Variants in SULT1A1 observed in about 807,000 individuals in gnomAD.
The protein encoded by SULT1A1 is sulfotransferase 1A1.
SULT1A1 carries 35 observed loss-of-function variants against 36.8 expected under a neutral mutation model. That is an observed-to-expected ratio of 0.95 (90% CI 0.73 to 1.26). The LOEUF is 1.26. Ranked by LOEUF, SULT1A1 falls within the 50% of genes most tolerant of loss-of-function variation. SULT1A1 has a pLI of 0.00. For synonymous variants in SULT1A1, 119 were observed against 146.0 expected (o/e 0.82, Z 1.33); for missense variants, 309 against 383.0 (o/e 0.81, Z 1.61).
exon 1 of SULT1A1, chr16:28,623,284 T>A: frequency 6.5e-7 from 1 of 1,540,274 alleles, no homozygotes; most frequent in Non-Finnish European, 8.7e-7. Context: ...ACCACCAACG[T>A]GGCCACGCGC....
chr16:28,611,727 T>C (rs1215652484), upstream of SULT1A1: 1 of 138,176 alleles, frequency 7.2e-6, no homozygotes, highest in Non-Finnish European at 1.6e-5. Flanking sequence ...GCCAAGAGCC[T>C]GGAGAAGGCC....
At chr16:28,619,992 A>T in intron 2 of SULT1A1, 1 of 508,770 alleles carries the variant, frequency 2.0e-6, no homozygotes, top group Non-Finnish European at 2.8e-6. Context: ...TGTATTGTAT[A>T]TTGTGTGTGT....
intron 4 of SULT1A1, 109 bp downstream of exon 4, chr16:28,608,182 C>T: frequency 6.9e-7 from 1 of 1,458,510 alleles, no homozygotes; most frequent in Non-Finnish European, 9.4e-7. Context: ...AGACAAGGTT[C>T]TTCTATGTTG....
chr16:28,622,112 T>C (rs1030731489), intron 1 of SULT1A1, among the ~76,000 whole-genome samples: 1 of 152,180 alleles, frequency 6.6e-6, no homozygotes, highest in African/African-American at 2.4e-5. Context: ...GCTAGCATCA[T>C]GACTCACTGG....
chr16:28,609,146 G>A, intron 1 of SULT1A1: 1 of 1,409,374 alleles, frequency 7.1e-7, no homozygotes, highest in South Asian at 1.5e-5. Context: ...GCAAGGCCCA[G>A]ATGTCAGGGT....
chr16:28,608,662 G>A (rs372032238), intron 2 of SULT1A1, 46 bp downstream of exon 2: 3 of 1,611,340 alleles, frequency 1.9e-6, no homozygotes, highest in Admixed American at 1.7e-5. Context: ...GCTGGCCAAG[G>A]TGGGGACTGC....
chr16:28,622,982 C>T, intron 1 of SULT1A1: 1 of 1,110,002 alleles, frequency 9.0e-7, no homozygotes. Context: ...CTTCAGGCCT[C>T]TGAAGCAGCT....
chr16:28,606,363 T>C, intron 6 of SULT1A1, 127 bp from the exon 7 acceptor site: 1 of 1,520,044 alleles, frequency 6.6e-7, no homozygotes, highest in Non-Finnish European at 9.0e-7. Flanking sequence ...AGCCAACTCC[T>C]CAACCCCCAG....
chr16:28,616,055 A>AT (rs2047540296), intron 2 of SULT1A1, among the ~76,000 whole-genome samples: 1 of 152,142 alleles, frequency 6.6e-6, no homozygotes, highest in Non-Finnish European at 1.5e-5. Flanking sequence ...ATCTTCCCAG[A>AT]TGCTGGTGTC....
rs371020361 is a variant in SULT1A1, at chr16:28,620,011, G to C, written c.138+52C>G. The stretch of plus-strand genomic sequence containing the variant: ...TTGTATATTGTGTGTGTGTGTGTGT[G>C]TATATACACACACAAAAAGATACTG... On this transcript the variant is annotated intron_variant, in intron 2 of 5. Coordinates refer to the SULT1A1 transcript ENST00000350842. 1.9e-3 allele frequency: 2,648 copies of C among 1,394,742 alleles called. 7 individuals carry two copies. The highest frequency in any genetic ancestry group is 2.5e-3 in the Non-Finnish European group (2,430 of 990,416). The allele number at this position is 1,394,742 out of a possible 1,614,324, so 86.4% of individuals were successfully genotyped here.
chr16:28,609,280 A>G, intron 1 of SULT1A1: 1 of 1,258,920 alleles, frequency 7.9e-7, no homozygotes, highest in Non-Finnish European at 1.0e-6. Flanking sequence ...GCCTCCACCC[A>G]GTGGAGATGC....
At chr16:28,608,095 C>A in intron 4 of SULT1A1, 196 bp downstream of exon 4, 1 of 772,704 alleles carries the variant, frequency 1.3e-6, no homozygotes, top group Non-Finnish European at 2.0e-6. Flanking sequence ...TCAAGTGATT[C>A]TCCTGTCTCA....
At chr16:28,606,379 C>T (rs2047187606) in intron 6 of SULT1A1, 143 bp from the exon 7 acceptor site, 2 of 1,446,208 alleles carry the variant, frequency 1.4e-6, no homozygotes, top group Non-Finnish European at 1.9e-6. Context: ...CCCAGGGCCC[C>T]AGTCCCGGGG....
chr16:28,610,264 G>GTGTTTTTTTTTTTTTTT, upstream of SULT1A1: 1 of 346,648 alleles, frequency 2.9e-6, no homozygotes, highest in Non-Finnish European at 4.3e-6. Context: ...TTTTTTTTCT[G>GTGTTTTTTTTTTTTTTT]TTTTTTTTTT....
At position 28,605,622 on chromosome 16, in the gene SULT1A1, T is replaced by G; in HGVS notation, c.*199A>C. 1 of 894,664 alleles carries G rather than the reference T, an allele frequency of 1.1e-6. No individual in the cohort carries two copies. The highest frequency in any genetic ancestry group is 1.7e-6 in the Non-Finnish European group (1 of 589,906). 55.4% of individuals were successfully genotyped at this position (894,664 alleles called of 1,614,324 possible). ...AAAAATTGGTTTTATTTTATTTTAT[T>G]TTTTTAACAGAATCTCACTATGTTG... On this transcript the variant is annotated 3_prime_UTR_variant, in exon 8 of 8. Transcript: ENST00000314752.
intron 2 of SULT1A1, among the ~76,000 whole-genome samples, chr16:28,616,307 T>C (rs1205144052): frequency 6.6e-6 from 1 of 152,246 alleles, no homozygotes; most frequent in East Asian, 1.9e-4. Flanking sequence ...CTGGTATAAC[T>C]ATTCTTGTTT....
In SULT1A1 at chr16:28,605,977, G is replaced by A. The variant is rs201392240; in HGVS notation, c.776-44C>T. ...GAGCAAAGCTGGAGTCTCATCCCAG[G>A]GGAGGCCCCAAGTGCCTATGGGGAG... On this transcript the variant is annotated intron_variant, in intron 7 of 7. Transcript: ENST00000314752. 4,126 of 1,602,638 alleles carry A rather than the reference G, an allele frequency of 2.6e-3. 134 individuals are homozygous for A. In the African/African-American group the frequency reaches 0.047, roughly 18 times the overall value.
At chr16:28,622,083 T>C (rs565317923) in intron 1 of SULT1A1, among the ~76,000 whole-genome samples, 10 of 152,276 alleles carry the variant, frequency 6.6e-5, no homozygotes, top group Non-Finnish European at 1.3e-4. Context: ...TTCATGACTA[T>C]AACCTATGCA....
At chr16:28,614,499 C>G (rs912398558), upstream of SULT1A1, among the ~76,000 whole-genome samples, 4 of 128,264 alleles carry the variant, frequency 3.1e-5, no homozygotes, top group African/African-American at 1.0e-4. Flanking sequence ...ACCTCTGCCG[C>G]TGCCCCCTGC....
Sources: gnomAD v4.1 joint callset for allele counts (sites outside exome capture counted in the v4.1 genomes callset) on GRCh38, gnomAD v4.1.1 for gene constraint, MANE v1.5 for transcripts, NCBI Gene and HGNC (gene_info 2026-07-23, HGNC 2026-07-21) for gene names.